RALGAPA2: variants seen among roughly 807,000 people sequenced by gnomAD.
The protein encoded by RALGAPA2 is ral GTPase-activating protein subunit alpha-2.
A neutral mutation model predicts 230.4 loss-of-function variants in RALGAPA2; 139 were observed. The observed-to-expected ratio is 0.60, with a 90% CI of 0.53 to 0.69. The LOEUF (loss-of-function observed/expected upper bound fraction) is 0.69, where lower values mean the gene tolerates loss of function less well. Ranked by LOEUF, RALGAPA2 falls within the 30% of genes least tolerant of loss-of-function variation. RALGAPA2 has a pLI of 0.00. For missense variants in RALGAPA2, 2,163 were observed against 2,276.0 expected, an observed-to-expected ratio of 0.95 and a Z score of 1.01; for synonymous variants, 847 against 837.8, an observed-to-expected ratio of 1.01 and a Z score of -0.19.
At chr20:20,426,545 T>C (rs1365366747) in intron 37 of RALGAPA2, among the ~76,000 whole-genome samples, 1 of 152,212 alleles carries the variant, frequency 6.6e-6, no homozygotes, top group Non-Finnish European at 1.5e-5. Context: ...AAGGTGGTCA[T>C]ACAGCCCTGT....
intron 37 of RALGAPA2, among the ~76,000 whole-genome samples, chr20:20,412,583 C>T (rs955141483): frequency 4.6e-5 from 7 of 152,024 alleles, no homozygotes; most frequent in African/African-American, 1.2e-4. Flanking sequence ...ACAGTGCAGA[C>T]GCTTCTTAAA....
chr20:20,451,566 G>T (rs1339350066), intron 37 of RALGAPA2, among the ~76,000 whole-genome samples: 1 of 152,126 alleles, frequency 6.6e-6, no homozygotes, highest in Non-Finnish European at 1.5e-5. Context: ...TCCTGACTCT[G>T]AAATGTTTAA....
At chr20:20,650,552 A>G (rs2067363765) in intron 4 of RALGAPA2, among the ~76,000 whole-genome samples, 1 of 152,224 alleles carries the variant, frequency 6.6e-6, no homozygotes, top group Non-Finnish European at 1.5e-5. Context: ...CACCAGCTGC[A>G]GTAACATTTA....
chr20:20,650,007 CAA>C (rs1428737054), intron 4 of RALGAPA2, among the ~76,000 whole-genome samples: 1 of 152,112 alleles, frequency 6.6e-6, no homozygotes, highest in East Asian at 1.9e-4. Context: ...TAGAAATTGA[CAA>C]ATAGTTGAGT....
Position 20,391,029 on chromosome 20 carries a change from A to G in RALGAPA2, c.*2260T>C, listed in dbSNP as rs1000302560. 6.6e-6 allele frequency: 1 copy of G among 152,260 alleles called. No individual in the cohort carries two copies. Among genetic ancestry groups the G allele is most frequent in the African/African-American group, 2.4e-5 (1 of 41,468 alleles). The allele number at this position is 152,260 out of a possible 1,614,324, so 9.4% of individuals were successfully genotyped here. On this transcript the variant is annotated 3_prime_UTR_variant, in exon 40 of 40. Coordinates refer to ENST00000202677, the MANE Select transcript of RALGAPA2 (RefSeq NM_020343.4). ...GAGCAGAAGTCCAGGAGAGTTCAAT[A>G]CGATTTCTAAATCCTGACATATCTT...
At chr20:20,578,217 C>A (rs1041040248) in intron 20 of RALGAPA2, among the ~76,000 whole-genome samples, 5 of 152,084 alleles carry the variant, frequency 3.3e-5, no homozygotes, top group African/African-American at 1.2e-4. Context: ...CCCAAAATTA[C>A]TCTGCTGGTG....
In RALGAPA2 at chr20:20,571,509, G is replaced by A. The variant is rs1345242467; in HGVS notation, c.3105C>T (p.Phe1035=). The change falls in exon 23 of 40, where the codon TTC becomes TTT. Residue 1035 remains phenylalanine (F), a synonymous_variant. Coordinates refer to ENST00000202677, the MANE Select transcript of RALGAPA2 (RefSeq NM_020343.4). ...RRQDVLPNSD[F]LVHFYLVMHL... is the part of the protein sequence containing the mutation. ...GCATCACAAGGTAAAAATGCACCAG[G>A]AAATCTGAGTTTGGCAGAACGTCCT... 2 of 1,612,802 alleles carry A rather than the reference G, an allele frequency of 1.2e-6. No individual in the cohort carries two copies. The highest frequency in any genetic ancestry group is 1.7e-6 in the Non-Finnish European group (2 of 1,179,602).
chr20:20,676,312 T>G (rs773008937), intron 2 of RALGAPA2, 24 bp from the exon 3 acceptor site: 2 of 1,491,078 alleles, frequency 1.3e-6, no homozygotes, highest in Admixed American at 3.6e-5. Flanking sequence ...AAATAATTAG[T>G]TATCATGACA....
At chr20:20,637,336 T>C in intron 8 of RALGAPA2, 27 bp downstream of exon 8, 1 of 1,554,602 alleles carries the variant, frequency 6.4e-7, no homozygotes, top group Admixed American at 2.0e-5. Flanking sequence ...TTGGATATCC[T>C]CTATACACGG....
intron 37 of RALGAPA2, among the ~76,000 whole-genome samples, chr20:20,468,015 T>C: frequency 6.6e-6 from 1 of 152,170 alleles, no homozygotes; most frequent in East Asian, 1.9e-4. Context: ...AACATTTTTT[T>C]CCCATTCTTC....
rs371490407 is a variant in RALGAPA2 at position 20,605,406 on chromosome 20, T to A, written c.1807A>T (p.Met603Leu). 21 of 1,612,770 alleles carry A rather than the reference T, an allele frequency of 1.3e-5. No homozygotes were observed. The highest frequency in any genetic ancestry group is 1.7e-5 in the Non-Finnish European group (20 of 1,178,884). ...SLAGLLFRTLMVAWIRANLCV... is the reference protein window; with the variant it reads ...SLAGLLFRTLLVAWIRANLCV... ...AGGTTTGCTCGGATCCAAGCTACCA[T>A]GAGCGTCTAAAACCAACCAACCAAC... The change falls in exon 15 of 40, where the codon ATG (methionine) becomes TTG (leucine). Residue 603 changes from methionine (M) to leucine (L), a missense_variant. Met to Leu is a conservative substitution (Grantham distance 15). Coordinates refer to ENST00000202677, the MANE Select transcript of RALGAPA2 (RefSeq NM_020343.4).
chr20:20,458,147 G>A (rs1463179206), intron 37 of RALGAPA2, among the ~76,000 whole-genome samples: 5 of 152,114 alleles, frequency 3.3e-5, no homozygotes, highest in Non-Finnish European at 4.4e-5. Flanking sequence ...AAAGGAGAGC[G>A]CTGACACTGA....
In RALGAPA2 at chr20:20,536,706, G is replaced by T; in HGVS notation, c.3364C>A (p.Gln1122Lys). Residue 1122 changes from glutamine (Q) to lysine (K), a missense_variant, in exon 25 of 40, where the codon CAG becomes AAG. Physicochemically the swap from Gln to Lys is moderately conservative, Grantham distance 53. Coordinates refer to ENST00000202677, the MANE Select transcript of RALGAPA2 (RefSeq NM_020343.4). Reference sequence around the variant, plus strand: ...GCCTCATTTACTTCTGGCACTGACTGCAGTAAAGGAATCTCCTGGTAGGTA... The same window carrying T: ...GCCTCATTTACTTCTGGCACTGACTTCAGTAAAGGAATCTCCTGGTAGGTA... The part of the protein sequence containing the change: ...PNTYQEIPLL[Q>K]SVPEVNEAIT... 1 of 1,613,104 alleles carries T rather than the reference G, an allele frequency of 6.2e-7. No homozygotes were observed. Among genetic ancestry groups the T allele is most frequent in the Non-Finnish European group, 8.5e-7 (1 of 1,179,284 alleles).
At chr20:20,693,431 A>G (rs1374543582) in intron 1 of RALGAPA2, among the ~76,000 whole-genome samples, 1 of 152,210 alleles carries the variant, frequency 6.6e-6, no homozygotes, top group African/African-American at 2.4e-5. Context: ...TTTAAAGTCA[A>G]TGCACACTTG....
intron 35 of RALGAPA2, 95 bp from the exon 36 acceptor site, chr20:20,495,370 AAAAAAATTTCACTACC>A (rs2062176031): frequency 8.9e-7 from 1 of 1,117,858 alleles, no homozygotes; most frequent in Non-Finnish European, 1.2e-6. Flanking sequence ...CTCAAAGGCC[AAAAAAATTTCACTACC>A]AAAAAAGGCT....
intron 37 of RALGAPA2, among the ~76,000 whole-genome samples, chr20:20,417,171 A>G (rs2060183257): frequency 6.6e-6 from 1 of 152,172 alleles, no homozygotes. Flanking sequence ...CCATCCCTTG[A>G]GTACATTAGG....
chr20:20,432,197 A>G (rs1250418091), intron 37 of RALGAPA2, among the ~76,000 whole-genome samples: 3 of 152,152 alleles, frequency 2.0e-5, no homozygotes, highest in African/African-American at 4.8e-5. Flanking sequence ...TGACCCGACC[A>G]CTATGGAATA....
intron 38 of RALGAPA2, among the ~76,000 whole-genome samples, chr20:20,405,875 TAG>T (rs1263314712): frequency 4.6e-5 from 7 of 152,220 alleles, no homozygotes; most frequent in Non-Finnish European, 8.8e-5. Flanking sequence ...ATCTGTGGTC[TAG>T]AGACACACCT....
At chr20:20,582,740 C>T (rs2065024716) in intron 20 of RALGAPA2, among the ~76,000 whole-genome samples, 1 of 152,136 alleles carries the variant, frequency 6.6e-6, no homozygotes, top group Non-Finnish European at 1.5e-5. Context: ...TTACAACTTA[C>T]ATTTTATGTA....
Sources: allele counts gnomAD v4.1 joint callset (sites outside exome capture counted in the v4.1 genomes callset), GRCh38; gene constraint gnomAD v4.1.1; transcripts MANE v1.5; gene names NCBI Gene and HGNC (gene_info 2026-07-23, HGNC 2026-07-21).